The following HDAC4 variants were observed in gnomAD, a reference collection of about 807,000 sequenced individuals.
HDAC4 encodes histone deacetylase A.
Under a neutral mutation model 135.1 loss-of-function variants are expected in HDAC4, and 16 were observed. That is an observed-to-expected ratio of 0.12 (90% confidence interval 0.08 to 0.18). The LOEUF (loss-of-function observed/expected upper bound fraction) is 0.18, where lower values mean the gene tolerates loss of function less well. HDAC4 is among the 10% of genes least tolerant of loss of function. HDAC4 has a pLI of 1.00. For missense variants in HDAC4, 1,143 were observed against 1,511.8 expected (o/e 0.76, Z 4.05); for synonymous variants, 685 against 653.4 (o/e 1.05, Z -0.74).
chr2:239,292,622 A>C (rs572581304), intron 2 of HDAC4, among the ~76,000 whole-genome samples: 1 of 152,332 alleles, frequency 6.6e-6, no homozygotes, highest in South Asian at 2.1e-4. Flanking sequence ...CTATCTGGGA[A>C]CTCGAGCCAA....
chr2:239,053,727 C>A, intron 25 of HDAC4, 126 bp from the exon 26 acceptor site: 1 of 774,724 alleles, frequency 1.3e-6, no homozygotes, highest in Non-Finnish European at 2.1e-6. Context: ...TTAAAAGCAC[C>A]CGTCTTTGAA....
chr2:239,235,199 C>T (rs986970266), intron 3 of HDAC4, among the ~76,000 whole-genome samples: 3 of 152,038 alleles, frequency 2.0e-5, no homozygotes, highest in Admixed American at 2.0e-4. Flanking sequence ...CCCCGAACAC[C>T]CCCCAAGAGG....
intron 2 of HDAC4, among the ~76,000 whole-genome samples, chr2:239,342,915 C>T (rs900811420): frequency 1.3e-5 from 2 of 152,218 alleles, no homozygotes; most frequent in African/African-American, 4.8e-5. Context: ...GGGCTTCGGT[C>T]TCCAAATCAG....
At chr2:239,185,411 G>A (rs1014059606) in intron 4 of HDAC4, among the ~76,000 whole-genome samples, 2 of 151,220 alleles carry the variant, frequency 1.3e-5, no homozygotes, top group Non-Finnish European at 3.0e-5. Flanking sequence ...GGGGAGAGGT[G>A]TACCCTAACT....
At chr2:239,225,945 G>A (rs77721087) in intron 3 of HDAC4, among the ~76,000 whole-genome samples, 21,403 of 152,170 alleles carry the variant, frequency 0.14, 2,103 homozygotes, top group East Asian at 0.37. Flanking sequence ...AGGGGACATG[G>A]TGTTGGTACG....
chr2:239,348,518 A>G (rs970044272), intron 2 of HDAC4, among the ~76,000 whole-genome samples: 2 of 152,250 alleles, frequency 1.3e-5, no homozygotes, highest in African/African-American at 4.8e-5. Context: ...TACTTGGAGA[A>G]CTGTCCTTGG....
intron 2 of HDAC4, among the ~76,000 whole-genome samples, chr2:239,310,893 G>C (rs183672676): frequency 1.3e-5 from 2 of 152,266 alleles, no homozygotes; most frequent in Admixed American, 6.5e-5. Context: ...GGTTAGCCAC[G>C]TCCAACACCA....
At chr2:239,275,980 T>C (rs1426524329) in intron 2 of HDAC4, among the ~76,000 whole-genome samples, 1 of 151,978 alleles carries the variant, frequency 6.6e-6, no homozygotes, top group Non-Finnish European at 1.5e-5. Context: ...CAGGCGGTGG[T>C]GGACAGGCTC....
chr2:239,234,566 C>T (rs1454485864), intron 3 of HDAC4, among the ~76,000 whole-genome samples: 1 of 152,196 alleles, frequency 6.6e-6, no homozygotes, highest in Non-Finnish European at 1.5e-5. Flanking sequence ...TGAGGAACTA[C>T]TAAAAAGCTG....
At chr2:239,376,457 CCCT>C (rs1444765902) in intron 1 of HDAC4, among the ~76,000 whole-genome samples, 4 of 152,212 alleles carry the variant, frequency 2.6e-5, no homozygotes, top group Admixed American at 6.5e-5. Context: ...GTGCTCACAA[CCCT>C]CCTGATGGTG....
At chr2:239,281,501 CCAT>C (rs2050747114) in intron 2 of HDAC4, among the ~76,000 whole-genome samples, 1 of 147,608 alleles carries the variant, frequency 6.8e-6, no homozygotes, top group African/African-American at 2.5e-5. Context: ...AATGTACACA[CCAT>C]GCTACAATGA....
At chr2:239,120,401 A>ACAGACGCACACACAG (rs1553622806) in intron 12 of HDAC4, among the ~76,000 whole-genome samples, 1 of 127,666 alleles carries the variant, frequency 7.8e-6, no homozygotes, top group Non-Finnish European at 1.7e-5. Context: ...AGACGCACAC[A>ACAGACGCACACACAG]GACACACACA....
intron 24 of HDAC4, among the ~76,000 whole-genome samples, chr2:239,058,416 G>A (rs1467485876): frequency 2.0e-5 from 3 of 152,186 alleles, no homozygotes; most frequent in Non-Finnish European, 2.9e-5. Context: ...AATGACCCAC[G>A]TTTCCACTTA....
chr2:239,137,070 TA>T (rs766032340), intron 9 of HDAC4, among the ~76,000 whole-genome samples: 30 of 152,374 alleles, frequency 2.0e-4, no homozygotes, highest in Non-Finnish European at 3.4e-4. Context: ...GGAGACGTTC[TA>T]ATGTTTGCAA....
At chr2:239,346,165 C>G (rs1263441177) in intron 2 of HDAC4, among the ~76,000 whole-genome samples, 1 of 151,490 alleles carries the variant, frequency 6.6e-6, no homozygotes, top group Non-Finnish European at 1.5e-5. Flanking sequence ...CCAACACACA[C>G]TGTCTAAAAC....
intron 2 of HDAC4, among the ~76,000 whole-genome samples, chr2:239,249,550 ACCT>A (rs2048662913): frequency 6.6e-6 from 1 of 152,050 alleles, no homozygotes; most frequent in Admixed American, 6.5e-5. Context: ...GTACGTCTAA[ACCT>A]CCTTTGAATC....
At chr2:239,383,216 C>A (rs1035778357) in intron 1 of HDAC4, among the ~76,000 whole-genome samples, 1 of 152,200 alleles carries the variant, frequency 6.6e-6, no homozygotes, top group Non-Finnish European at 1.5e-5. Flanking sequence ...CTGACCCTGG[C>A]TCCAGCCCAC....
chr2:239,113,829 T>TTC (rs963403461), intron 13 of HDAC4, among the ~76,000 whole-genome samples: 1 of 152,100 alleles, frequency 6.6e-6, no homozygotes, highest in Non-Finnish European at 1.5e-5. Flanking sequence ...GCCCGGGGCT[T>TTC]TCTCTCTCTG....
intron 7 of HDAC4, among the ~76,000 whole-genome samples, chr2:239,153,008 C>T (rs1469871418): frequency 6.6e-6 from 1 of 152,152 alleles, no homozygotes; most frequent in Non-Finnish European, 1.5e-5. Context: ...CAAGAGCTTC[C>T]CCAGGTCCCA....
Sources: allele counts gnomAD v4.1 joint callset (sites outside exome capture counted in the v4.1 genomes callset), GRCh38; gene constraint gnomAD v4.1.1; transcripts MANE v1.5; gene names NCBI Gene and HGNC (gene_info 2026-07-23, HGNC 2026-07-21).